The following GRHL3 variants were observed in gnomAD, a reference collection of about 807,000 sequenced individuals.
GRHL3 encodes grainyhead-like protein 3 homolog.
A neutral mutation model predicts 70.3 loss-of-function variants in GRHL3; 20 were observed. The observed-to-expected ratio is 0.28, with a 90% CI of 0.20 to 0.41. GRHL3 has a LOEUF of 0.41. Among genes scored for constraint, GRHL3 ranks in the 10% least tolerant of loss-of-function variants. GRHL3 has a pLI of 1.00. For synonymous variants in GRHL3, 299 were observed against 299.9 expected, an observed-to-expected ratio of 1.00 and a Z score of 0.03; for missense variants, 637 against 762.3, an observed-to-expected ratio of 0.84 and a Z score of 1.94.
At chr1:24,324,447 A>G (rs866318147) in intron 1 of GRHL3, among the ~76,000 whole-genome samples, 1 of 152,214 alleles carries the variant, frequency 6.6e-6, no homozygotes, top group South Asian at 2.1e-4. Flanking sequence ...TGAATTGTGC[A>G]GTTTGCTGGG....
chr1:24,358,301 C>G, downstream of GRHL3: 1 of 671,420 alleles, frequency 1.5e-6, no homozygotes. Flanking sequence ...CCACTCCTCC[C>G]TTCTGCTCAG....
chr1:24,358,881 A>G (rs1044460988), downstream of GRHL3, among the ~76,000 whole-genome samples: 1 of 152,164 alleles, frequency 6.6e-6, no homozygotes, highest in African/African-American at 2.4e-5. Flanking sequence ...ACTATTTTCT[A>G]TGAAATTCGA....
At chr1:24,324,650 C>CGGTAGCTCTCATAGCAATTCTGT (rs1639323730) in intron 1 of GRHL3, among the ~76,000 whole-genome samples, 1 of 152,168 alleles carries the variant, frequency 6.6e-6, no homozygotes. Flanking sequence ...CCTCAATGAA[C>CGGTAGCTCTCATAGCAATTCTGT]GGTAGCTCTC....
At chr1:24,320,454 G>A (rs1416244516) in intron 1 of GRHL3, among the ~76,000 whole-genome samples, 1 of 152,210 alleles carries the variant, frequency 6.6e-6, no homozygotes, top group African/African-American at 2.4e-5. Flanking sequence ...AAGGTAGGGT[G>A]AGGCTGGGAT....
intron 1 of GRHL3, 93 bp downstream of exon 1, chr1:24,319,661 G>T: frequency 6.2e-7 from 1 of 1,609,598 alleles, no homozygotes; most frequent in Non-Finnish European, 8.5e-7. Flanking sequence ...CCGGCACCGG[G>T]ATTCACAGAG....
intron 1 of GRHL3, chr1:24,319,878 G>A (rs185309191): frequency 1.8e-6 from 1 of 548,462 alleles, no homozygotes; most frequent in African/African-American, 1.9e-5. Context: ...AGGGGCCTTG[G>A]AAATCAGACG....
chr1:24,364,063 A>G, intron 15 of GRHL3: 39 of 1,349,926 alleles, frequency 2.9e-5, no homozygotes, highest in Non-Finnish European at 3.7e-5. Flanking sequence ...TACCTTCCAG[A>G]AACACCCAAC....
rs1640666239 is a variant in GRHL3 at position 24,355,121 on chromosome 1, T to G, written c.*633T>G. Reference sequence around the variant, plus strand: ...GTTGTATACATTTCTTATTTACGATTTTCATTTGTTATATATATATATAAA... The same window carrying G: ...GTTGTATACATTTCTTATTTACGATGTTCATTTGTTATATATATATATAAA... On this transcript the variant is annotated 3_prime_UTR_variant, in exon 16 of 16. Coordinates refer to ENST00000361548, the MANE Select transcript of GRHL3 (RefSeq NM_198173.3). 1 of 152,454 alleles carries G rather than the reference T, an allele frequency of 6.6e-6. No individual in the cohort carries two copies. Among genetic ancestry groups the G allele is most frequent in the Non-Finnish European group, 1.5e-5 (1 of 68,006 alleles). 9.4% of individuals were successfully genotyped at this position (152,454 alleles called of 1,614,324 possible). A position where few individuals can be genotyped will look rare whatever the true frequency, so the allele number is the denominator to read the frequency against.
At chr1:24,358,510 G>C (rs377750621), downstream of GRHL3, 12 of 1,568,096 alleles carry the variant, frequency 7.7e-6, no homozygotes, top group African/African-American at 1.5e-4. Flanking sequence ...GTGGGCTGGT[G>C]GCTGGAGTTC....
chr1:24,336,770 G>C lies in GRHL3; in HGVS notation c.555G>C (p.Gly185=). The C allele has an allele frequency of 1.2e-6, 2 of 1,613,514 alleles. No homozygotes were observed. The highest frequency in any genetic ancestry group is 1.7e-6 in the Non-Finnish European group (2 of 1,179,714). ...SLNSLFESIH[G]VPPTQRWQPD... Reference sequence around the variant, plus strand: ...ACTCCTTGTTTGAGAGCATTCATGGGGTGCCGCCCACACAGCGCTGGCAGC... The same window carrying C: ...ACTCCTTGTTTGAGAGCATTCATGGCGTGCCGCCCACACAGCGCTGGCAGC... Residue 185 remains glycine, a synonymous_variant, in exon 4 of 16, where the codon GGG becomes GGC. Transcript: ENST00000361548.
At chr1:24,361,209 A>C (rs960559533) in intron 15 of GRHL3, among the ~76,000 whole-genome samples, 2 of 152,294 alleles carry the variant, frequency 1.3e-5, no homozygotes, top group South Asian at 2.1e-4. Context: ...GGACCCCTGG[A>C]TCTGTTTCTT....
chr1:24,341,158 G>C (rs1010560982), intron 8 of GRHL3, among the ~76,000 whole-genome samples: 1 of 152,184 alleles, frequency 6.6e-6, no homozygotes, highest in Admixed American at 6.5e-5. Context: ...CCCCAGAGGA[G>C]GACAATCACC....
At chr1:24,343,936 G>A (rs1242643332) in intron 11 of GRHL3, among the ~76,000 whole-genome samples, 2 of 152,226 alleles carry the variant, frequency 1.3e-5, no homozygotes, top group Non-Finnish European at 2.9e-5. Flanking sequence ...AGCACTGTCT[G>A]TGTCCCTCCT....
chr1:24,361,889 C>T (rs986610741), intron 15 of GRHL3, among the ~76,000 whole-genome samples: 2 of 152,174 alleles, frequency 1.3e-5, no homozygotes, highest in Admixed American at 1.3e-4. Flanking sequence ...GAGGTCCCTT[C>T]CTGCTGTGAC....
downstream of GRHL3, among the ~76,000 whole-genome samples, chr1:24,356,617 C>T (rs1640727910): frequency 6.6e-6 from 1 of 152,210 alleles, no homozygotes; most frequent in South Asian, 2.1e-4. Context: ...CCACTGCTAC[C>T]TGTAGCCCTC....
chr1:24,334,607 C>T lies in GRHL3; in HGVS notation c.205-38C>T, dbSNP rs1421273547. 1.9e-6 allele frequency: 3 copies of T among 1,566,768 alleles called. No individual in the cohort carries two copies. The highest frequency in any genetic ancestry group is 2.6e-6 in the Non-Finnish European group (3 of 1,141,300). ...GGATTGAGGCTCCTACCAGCAGAAG[C>T]TTAGCCATGCATAAATCCTTCCTTT... On this transcript the variant is annotated intron_variant, in intron 2 of 15. Transcript: ENST00000361548. This position sits in a 1 kb window ranked among gnomAD's most constrained non-coding sequence, Gnocchi z 4.3.
At chr1:24,340,354 TGCAGAGC>T (rs1453037416) in intron 8 of GRHL3, among the ~76,000 whole-genome samples, 1 of 152,022 alleles carries the variant, frequency 6.6e-6, no homozygotes, top group East Asian at 1.9e-4. Context: ...AGGATTGGAG[TGCAGAGC>T]CCACAAGATC....
At chr1:24,323,087 T>G (rs1639263133) in intron 1 of GRHL3, 5 of 1,548,000 alleles carry the variant, frequency 3.2e-6, no homozygotes, top group Non-Finnish European at 4.4e-6. Context: ...AGCAGAAGAA[T>G]GTGGATGAAT....
At position 24,360,983 on chromosome 1, in the gene GRHL3, A is replaced by C. The variant is rs750618882; in HGVS notation, c.1695-3202A>C. The C allele has an allele frequency of 1.9e-6, 3 of 1,613,626 alleles. No homozygotes were observed. The African/African-American group carries it at 4.0e-5, about 22-fold the overall frequency. Reference sequence around the variant, plus strand: ...ATCTCATACTGACCAGGACCTGGGAAAGGTGGCTTCGGAGGCAGAGGCGAA... The same window carrying C: ...ATCTCATACTGACCAGGACCTGGGACAGGTGGCTTCGGAGGCAGAGGCGAA... On this transcript the variant is annotated intron_variant, in intron 15 of 15. Coordinates refer to the GRHL3 transcript ENST00000350501.
Sources: allele counts gnomAD v4.1 joint callset (sites outside exome capture counted in the v4.1 genomes callset), GRCh38; gene constraint gnomAD v4.1.1; non-coding constraint Gnocchi (gnomAD v3.1); transcripts MANE v1.5; gene names NCBI Gene and HGNC (gene_info 2026-07-23, HGNC 2026-07-21).